Variants in WDR33 observed in about 807,000 individuals in gnomAD.
The protein encoded by WDR33 is WD repeat domain 33, also known as pre-mRNA 3' end processing protein WDR33.
Under a neutral mutation model 164.9 loss-of-function variants are expected in WDR33, and 47 were observed. That is an observed-to-expected ratio of 0.29 (90% CI 0.23 to 0.36). The LOEUF (loss-of-function observed/expected upper bound fraction) is 0.36. Ranked by LOEUF, WDR33 falls within the 10% of genes least tolerant of loss-of-function variation. The pLI is 1.00. For synonymous variants in WDR33, 505 were observed against 589.0 expected (o/e 0.86, Z 2.06); for missense variants, 1,137 against 1,754.1 (o/e 0.65, Z 6.28).
intron 7 of WDR33, among the ~76,000 whole-genome samples, chr2:127,728,644 C>T (rs1048890867): frequency 2.0e-5 from 3 of 152,054 alleles, no homozygotes; most frequent in African/African-American, 4.8e-5. Context: ...CCTTGTTTGC[C>T]TTAAGAAATT....
Position 127,702,781 on chromosome 2 carries a change from A to ATT in WDR33, c.*3540_*3541dup, listed in dbSNP as rs1351700735. 1 of 167,102 alleles carries ATT rather than the reference A, an allele frequency of 6.0e-6. No homozygotes were observed. Among genetic ancestry groups the ATT allele is most frequent in the African/African-American group, 2.4e-5 (1 of 41,466 alleles). The allele number at this position is 167,102 out of a possible 1,614,324, so 10.4% of individuals were successfully genotyped here. ...TGGTGCCTTATAACATGAAAGGAAA[A>ATT]TTAGTTGTGTATTTCACGACGAAAG... On this transcript the variant is annotated 3_prime_UTR_variant, in exon 22 of 22. Coordinates refer to ENST00000322313, the MANE Select transcript of WDR33 (RefSeq NM_018383.5).
rs1465281638 is a variant in WDR33, at chr2:127,702,076, C to T, written c.*4247G>A. ...GCGCAGGTGGCCGCGCTGCTGGCCG[C>T]GCTGGTTGGGCTGCTGCCCTGGGGC... is the stretch of plus-strand genomic sequence containing the variant. On this transcript the variant is annotated 3_prime_UTR_variant, in exon 22 of 22. Coordinates refer to ENST00000322313, the MANE Select transcript of WDR33 (RefSeq NM_018383.5). 4.9e-6 allele frequency: 6 copies of T among 1,223,626 alleles called. No individual in the cohort carries two copies. Among genetic ancestry groups the T allele is most frequent in the Admixed American group, 4.3e-5 (1 of 23,282 alleles). The allele number at this position is 1,223,626 out of a possible 1,614,324, so 75.8% of individuals were successfully genotyped here.
In WDR33 at chr2:127,714,304, G is replaced by A. The variant is rs573231356; in HGVS notation, c.2870-283C>T. Among the ~76,000 whole-genome samples, 9 of 152,340 alleles carry A rather than the reference G, an allele frequency of 5.9e-5. No individual in the cohort carries two copies. The South Asian group carries it at 1.5e-3, about 25-fold the overall frequency. On this transcript the variant is annotated intron_variant, in intron 17 of 21. Coordinates refer to ENST00000322313, the MANE Select transcript of WDR33 (RefSeq NM_018383.5). This position sits in a 1 kb window ranked among gnomAD's most constrained non-coding sequence, Gnocchi z 4.3. The stretch of plus-strand genomic sequence containing the variant: ...ATCTCTTAGTATACACTGGAAAAAT[G>A]AGAGAGCCTCCTGGGCTTCAGAAGG...
rs1308750304 is a variant in WDR33 at position 127,712,681 on chromosome 2, C to A, written c.3308+902G>T. On this transcript the variant is annotated intron_variant, in intron 18 of 21. Transcript: ENST00000322313. This position sits in a 1 kb window ranked among gnomAD's most constrained non-coding sequence, Gnocchi z 4.0. ...TTAAATGAGGTAACAACATCTGATACAAAATACTCAATTATCATCATCTTT... is the reference window on the plus strand; with the variant it reads ...TTAAATGAGGTAACAACATCTGATAAAAAATACTCAATTATCATCATCTTT... Among the ~76,000 whole-genome samples the A allele has an allele frequency of 2.6e-5, 4 of 152,232 alleles. No individual in the cohort carries two copies. Among genetic ancestry groups the A allele is most frequent in the Non-Finnish European group, 5.9e-5 (4 of 68,044 alleles).
chr2:127,803,588 C>A (rs913726561), intron 1 of WDR33, among the ~76,000 whole-genome samples: 3 of 151,890 alleles, frequency 2.0e-5, no homozygotes, highest in African/African-American at 7.3e-5. Flanking sequence ...AAATAAAATA[C>A]CAATGTAAGC....
intron 7 of WDR33, among the ~76,000 whole-genome samples, chr2:127,754,351 T>C (rs1687457281): frequency 6.6e-6 from 1 of 152,110 alleles, no homozygotes; most frequent in African/African-American, 2.4e-5. Context: ...GACAGGTAGG[T>C]GGCAAGCTAA....
chr2:127,789,643 A>T (rs1382569155), intron 1 of WDR33, among the ~76,000 whole-genome samples: 1 of 151,662 alleles, frequency 6.6e-6, no homozygotes, highest in Non-Finnish European at 1.5e-5. Flanking sequence ...TGGCAGCAGT[A>T]CAGTCCAGCT....
intron 7 of WDR33, among the ~76,000 whole-genome samples, chr2:127,739,679 C>A (rs897455695): frequency 6.6e-6 from 1 of 152,196 alleles, no homozygotes; most frequent in Non-Finnish European, 1.5e-5. Context: ...TCATGCCTAG[C>A]ATATATTTTG....
chr2:127,799,987 G>A (rs2104676393), intron 1 of WDR33, among the ~76,000 whole-genome samples: 1 of 152,338 alleles, frequency 6.6e-6, no homozygotes, highest in East Asian at 1.9e-4. Flanking sequence ...AAGTGTTAGT[G>A]AGAATGTGGA....
intron 1 of WDR33, among the ~76,000 whole-genome samples, chr2:127,787,513 C>T (rs1688630400): frequency 1.5e-5 from 2 of 131,556 alleles, no homozygotes; most frequent in Admixed American, 7.1e-5. Flanking sequence ...CCCTCCCGGA[C>T]GGGGCGGCTG....
At chr2:127,754,006 A>G (rs1441208654) in intron 7 of WDR33, among the ~76,000 whole-genome samples, 1 of 152,248 alleles carries the variant, frequency 6.6e-6, no homozygotes, top group African/African-American at 2.4e-5. Context: ...TAGTTAGGCA[A>G]GTGTATAAAT....
chr2:127,791,271 G>A (rs1203068913), intron 1 of WDR33, among the ~76,000 whole-genome samples: 1 of 145,498 alleles, frequency 6.9e-6, no homozygotes, highest in East Asian at 2.0e-4. Context: ...CAATCCTCCC[G>A]CCTCGGCCTC....
rs1195938203 is a variant in WDR33, at chr2:127,770,048, G to C, written c.204+730C>G. Reference sequence around the variant, plus strand: ...TAAGAAATACCTACCACCAGGGCTTGGAAGTGGGAGAATCCATGTTCTCCA... The same window carrying C: ...TAAGAAATACCTACCACCAGGGCTTCGAAGTGGGAGAATCCATGTTCTCCA... On this transcript the variant is annotated intron_variant, in intron 2 of 21. Transcript: ENST00000322313. The surrounding 1 kb of genome is among the most constrained non-coding windows in gnomAD (Gnocchi z 4.9). Among the ~76,000 whole-genome samples the C allele has an allele frequency of 6.6e-6, 1 of 152,160 alleles. No homozygotes were observed. Among genetic ancestry groups the C allele is most frequent in the East Asian group, 1.9e-4 (1 of 5,202 alleles).
rs1685948738 is a variant in WDR33 at position 127,703,750 on chromosome 2, A to G, written c.*2573T>C. ...CCCTAAATTTCTGTTCTAGTTTTAAATTTCTCTAGAACTTGCAATAGTTGG... is the reference window on the plus strand; with the variant it reads ...CCCTAAATTTCTGTTCTAGTTTTAAGTTTCTCTAGAACTTGCAATAGTTGG... On this transcript the variant is annotated 3_prime_UTR_variant, in exon 22 of 22. Transcript: ENST00000322313. The G allele has an allele frequency of 6.0e-6, 1 of 167,010 alleles. No individual in the cohort carries two copies. The highest frequency in any genetic ancestry group is 2.4e-5 in the African/African-American group (1 of 41,418). 10.3% of individuals were successfully genotyped at this position (167,010 alleles called of 1,614,324 possible). A position where few individuals can be genotyped will look rare whatever the true frequency, so the allele number is the denominator to read the frequency against.
intron 7 of WDR33, among the ~76,000 whole-genome samples, chr2:127,727,091 G>A (rs1573891831): frequency 6.6e-6 from 1 of 152,262 alleles, no homozygotes; most frequent in East Asian, 1.9e-4. Context: ...ATTTTGAAGT[G>A]TCTCATGTTG....
In WDR33 at chr2:127,719,247, G is replaced by C. The variant is rs766726505; in HGVS notation, c.2760+18C>G. The C allele has an allele frequency of 7.1e-7, 1 of 1,403,452 alleles. No individual in the cohort carries two copies. Among genetic ancestry groups the C allele is most frequent in the East Asian group, 2.5e-5 (1 of 40,228 alleles). 86.9% of individuals were successfully genotyped at this position (1,403,452 alleles called of 1,614,324 possible). The stretch of plus-strand genomic sequence containing the variant: ...GTGTATTTTCCCAATGTGCCCGTGA[G>C]TTGGAAATGAATAATACCTGGTTGA... On this transcript the variant is annotated intron_variant, in intron 16 of 21. Transcript: ENST00000322313. This position sits in a 1 kb window ranked among gnomAD's most constrained non-coding sequence, Gnocchi z 6.5.
In WDR33 at chr2:127,712,304, G is replaced by A. The variant is rs976953179; in HGVS notation, c.3308+1279C>T. Among the ~76,000 whole-genome samples, 1 of 152,006 alleles carries A rather than the reference G, an allele frequency of 6.6e-6. No homozygotes were observed. Among genetic ancestry groups the A allele is most frequent in the Non-Finnish European group, 1.5e-5 (1 of 68,010 alleles). ...CCAGCTCCTCAAGAGGCTGAGACAG[G>A]AGAATCACTTGAACCTGGAAGGTGG... On this transcript the variant is annotated intron_variant, in intron 18 of 21. Transcript: ENST00000322313. The surrounding 1 kb of genome is among the most constrained non-coding windows in gnomAD (Gnocchi z 4.0).
Position 127,726,574 on chromosome 2 carries a change from A to G in WDR33, c.851+77T>C. The G allele has an allele frequency of 3.2e-6, 5 of 1,554,170 alleles. No individual in the cohort carries two copies. The highest frequency in any genetic ancestry group is 4.3e-6 in the Non-Finnish European group (5 of 1,152,780). Reference sequence around the variant, plus strand: ...ACTCTTCCAGAAATACATAAGAGAAAACAAAGCTAAAAGTTAAAGGACACA... The same window carrying G: ...ACTCTTCCAGAAATACATAAGAGAAGACAAAGCTAAAAGTTAAAGGACACA... On this transcript the variant is annotated intron_variant, in intron 8 of 21. Coordinates refer to ENST00000322313, the MANE Select transcript of WDR33 (RefSeq NM_018383.5). The surrounding 1 kb of genome is among the most constrained non-coding windows in gnomAD (Gnocchi z 4.8).
intron 7 of WDR33, among the ~76,000 whole-genome samples, chr2:127,745,866 A>T (rs1417611642): frequency 6.6e-6 from 1 of 152,004 alleles, no homozygotes; most frequent in Non-Finnish European, 1.5e-5. Flanking sequence ...ATCTATTCAA[A>T]AAACAATCTG....
Sources: gnomAD v4.1 joint callset for allele counts (sites outside exome capture counted in the v4.1 genomes callset) on GRCh38, gnomAD v4.1.1 for gene constraint, Gnocchi (gnomAD v3.1) non-coding constraint, MANE v1.5 for transcripts, NCBI Gene and HGNC (gene_info 2026-07-23, HGNC 2026-07-21) for gene names.